Variants in ALK observed in about 807,000 individuals in gnomAD.
ALK encodes the protein ALK receptor tyrosine kinase, also known as ALK tyrosine kinase receptor.
ALK carries 74 observed loss-of-function variants against 163.1 expected under a neutral mutation model. That is an observed-to-expected ratio of 0.45 (90% CI 0.38 to 0.55). The LOEUF is 0.55. Among genes scored for constraint, ALK ranks in the 20% least tolerant of loss-of-function variants. The pLI is 0.00. For missense variants in ALK, 2,063 were observed against 2,105.3 expected, an observed-to-expected ratio of 0.98 and a Z score of 0.39; for synonymous variants, 960 against 843.2, an observed-to-expected ratio of 1.14 and a Z score of -2.40.
intron 2 of ALK, among the ~76,000 whole-genome samples, chr2:29,702,693 C>T (rs550655985): frequency 9.6e-4 from 146 of 152,308 alleles, no homozygotes; most frequent in African/African-American, 3.4e-3. Context: ...CTGGGGAAGC[C>T]TCACAATCAT....
intron 3 of ALK, among the ~76,000 whole-genome samples, chr2:29,575,646 G>A (rs1674503019): frequency 6.6e-6 from 1 of 152,202 alleles, no homozygotes; most frequent in African/African-American, 2.4e-5. Flanking sequence ...CTTTAGGAGA[G>A]CAGGGCAACC....
intron 1 of ALK, among the ~76,000 whole-genome samples, chr2:29,891,691 C>A (rs1157291090): frequency 6.6e-6 from 1 of 152,126 alleles, no homozygotes; most frequent in Non-Finnish European, 1.5e-5. Flanking sequence ...ATATTCACAT[C>A]CAACTGCTTA....
intron 3 of ALK, among the ~76,000 whole-genome samples, chr2:29,554,237 G>A (rs931119557): frequency 2.6e-5 from 4 of 152,140 alleles, no homozygotes; most frequent in Non-Finnish European, 5.9e-5. Context: ...ATATCATTAA[G>A]TGGGGGGAAA....
chr2:29,901,494 C>A (rs1667413699), intron 1 of ALK, among the ~76,000 whole-genome samples: 1 of 152,184 alleles, frequency 6.6e-6, no homozygotes, highest in Non-Finnish European at 1.5e-5. Context: ...GTTCAAACTA[C>A]AAAGGCAAGC....
intron 1 of ALK, among the ~76,000 whole-genome samples, chr2:29,744,153 CAA>C (rs1452624406): frequency 6.6e-6 from 1 of 152,070 alleles, no homozygotes; most frequent in Non-Finnish European, 1.5e-5. Flanking sequence ...GTATTTAATC[CAA>C]ACTCACCACA....
intron 3 of ALK, among the ~76,000 whole-genome samples, chr2:29,637,709 C>CAAAAAAAAAA (rs70958274): frequency 1.3e-4 from 15 of 112,326 alleles, no homozygotes; most frequent in African/African-American, 6.1e-4. Flanking sequence ...ACTCCGTCTC[C>CAAAAAAAAAA]AAAAAAAAAA....
In ALK at chr2:29,455,297, G is replaced by A. The variant is rs140114774; in HGVS notation, c.1155-71438C>T. 1.2e-3 allele frequency among the ~76,000 whole-genome samples: 177 copies of A among 152,258 alleles called. 1 individual carries two copies. Among genetic ancestry groups the A allele is most frequent in the African/African-American group, 3.8e-3 (157 of 41,556 alleles). On this transcript the variant is annotated intron_variant, in intron 4 of 28. Coordinates refer to ENST00000389048, the MANE Select transcript of ALK (RefSeq NM_004304.5). ...TATTATTTCAGTGGAATCAATGAAG[G>A]CATTTGCCTTTTCTGAGCCTTAGCT...
At chr2:29,908,286 A>G (rs199987648) in intron 1 of ALK, among the ~76,000 whole-genome samples, 1,496 of 133,928 alleles carry the variant, frequency 0.011, 27 homozygotes, top group African/African-American at 0.036. Flanking sequence ...CAGAGCACAC[A>G]CACACACACA....
chr2:29,888,263 A>ATTTT (rs1558534593), intron 1 of ALK, among the ~76,000 whole-genome samples: 8 of 36,208 alleles, frequency 2.2e-4, no homozygotes, highest in African/African-American at 4.0e-4. Flanking sequence ...TTTTTTTTTA[A>ATTTT]AAAAAGGGAA....
chr2:29,560,460 G>C (rs902689607), intron 3 of ALK, among the ~76,000 whole-genome samples: 2 of 152,194 alleles, frequency 1.3e-5, no homozygotes, highest in Non-Finnish European at 2.9e-5. Flanking sequence ...TGAGCCGAAG[G>C]CCTTTTTTTG....
chr2:29,622,103 A>C (rs1431387624), intron 3 of ALK, among the ~76,000 whole-genome samples: 5 of 152,142 alleles, frequency 3.3e-5, no homozygotes, highest in African/African-American at 1.2e-4. Flanking sequence ...CATACCGCTA[A>C]ATTAATTTAA....
At chr2:29,813,947 A>AT (rs1664822937) in intron 1 of ALK, among the ~76,000 whole-genome samples, 1 of 152,190 alleles carries the variant, frequency 6.6e-6, no homozygotes. Context: ...GAAAGAAAGG[A>AT]TAAGTTCATA....
intron 4 of ALK, among the ~76,000 whole-genome samples, chr2:29,462,838 T>G (rs1392893931): frequency 6.6e-6 from 1 of 152,186 alleles, no homozygotes; most frequent in Non-Finnish European, 1.5e-5. Flanking sequence ...TATAAAATGA[T>G]TCCTATTTTC....
chr2:29,378,054 T>C (rs1668800785), intron 5 of ALK, among the ~76,000 whole-genome samples: 1 of 152,194 alleles, frequency 6.6e-6, no homozygotes, highest in South Asian at 2.1e-4. Context: ...GGAGATATAG[T>C]GGCCTGCTAT....
At chr2:29,342,605 A>C (rs1667825454) in intron 5 of ALK, among the ~76,000 whole-genome samples, 1 of 152,230 alleles carries the variant, frequency 6.6e-6, no homozygotes, top group Non-Finnish European at 1.5e-5. Flanking sequence ...ATTTTAGAGC[A>C]ATTTGAAAGA....
chr2:29,687,931 A>T (rs1461335163), intron 3 of ALK, among the ~76,000 whole-genome samples: 2 of 152,186 alleles, frequency 1.3e-5, no homozygotes, highest in Non-Finnish European at 2.9e-5. Flanking sequence ...ACCATCATAA[A>T]CAGCACCAAG....
intron 8 of ALK, among the ~76,000 whole-genome samples, chr2:29,306,317 G>A (rs1192274855): frequency 6.6e-6 from 1 of 152,232 alleles, no homozygotes; most frequent in African/African-American, 2.4e-5. Flanking sequence ...ACAGGCTGCA[G>A]ACCTGGAGTC....
chr2:29,857,649 G>C (rs1441482390), intron 1 of ALK, among the ~76,000 whole-genome samples: 2 of 152,158 alleles, frequency 1.3e-5, no homozygotes, highest in Non-Finnish European at 2.9e-5. Flanking sequence ...ATGCATGTAA[G>C]AATAAAGAGG....
intron 12 of ALK, among the ~76,000 whole-genome samples, chr2:29,243,186 G>A (rs149302012): frequency 1.8e-4 from 28 of 152,270 alleles, no homozygotes; most frequent in Admixed American, 4.6e-4. Flanking sequence ...GGTTGAGCCC[G>A]GCGAGGTGCC....
Sources: allele counts gnomAD v4.1 joint callset (sites outside exome capture counted in the v4.1 genomes callset), GRCh38; gene constraint gnomAD v4.1.1; transcripts MANE v1.5; gene names NCBI Gene and HGNC (gene_info 2026-07-23, HGNC 2026-07-21).